Variants in TNNI3K observed in about 807,000 individuals in gnomAD.
TNNI3K encodes TNNI3 interacting kinase.
In TNNI3K, 140 loss-of-function variants were observed where a neutral mutation model predicts 114.5. The observed-to-expected ratio is 1.22, with a 90% CI of 1.07 to 1.41. TNNI3K has a LOEUF of 1.41. Among genes scored for constraint, TNNI3K ranks in the 40% most tolerant of loss-of-function variants. The pLI, the probability that TNNI3K is intolerant of heterozygous loss-of-function variation, is 0.00. For synonymous variants in TNNI3K, 347 were observed against 347.5 expected, an observed-to-expected ratio of 1.00 and a Z score of 0.02; for missense variants, 1,125 against 1,007.6, an observed-to-expected ratio of 1.12 and a Z score of -1.58.
At chr1:74,527,549 C>T (rs1646519326) in intron 23 of TNNI3K, among the ~76,000 whole-genome samples, 1 of 152,120 alleles carries the variant, frequency 6.6e-6, no homozygotes, top group African/African-American at 2.4e-5. Flanking sequence ...CAGAAAGCCA[C>T]TATGGTGGAT....
intron 3 of TNNI3K, 31 bp from the exon 4 acceptor site, chr1:74,250,641 G>A: frequency 6.2e-7 from 1 of 1,601,100 alleles, no homozygotes; most frequent in South Asian, 1.1e-5. Context: ...TCCCCACAAT[G>A]ATTTAGCCTT....
chr1:74,396,059 C>G (rs1168924818), intron 17 of TNNI3K, among the ~76,000 whole-genome samples: 1 of 152,112 alleles, frequency 6.6e-6, no homozygotes, highest in Non-Finnish European at 1.5e-5. Flanking sequence ...CTCATGCTCC[C>G]CCTTAAAGAG....
chr1:74,427,957 C>T (rs756591932), intron 17 of TNNI3K, among the ~76,000 whole-genome samples: 15 of 150,322 alleles, frequency 1.0e-4, no homozygotes, highest in African/African-American at 2.7e-4. Flanking sequence ...TTTTTTTTCA[C>T]GTTACCCTCA....
intron 4 of TNNI3K, 120 bp from the exon 5 acceptor site, chr1:74,271,478 A>C: frequency 1.1e-6 from 1 of 877,044 alleles, no homozygotes; most frequent in Non-Finnish European, 1.7e-6. Flanking sequence ...TAGAAATCAC[A>C]CTTAAGTTTC....
chr1:74,540,398 C>T, intron 24 of TNNI3K, 85 bp downstream of exon 24: 5 of 1,238,516 alleles, frequency 4.0e-6, no homozygotes, highest in Non-Finnish European at 5.7e-6. Context: ...GAAAGCATTG[C>T]ATATTGTAAT....
At chr1:74,268,295 T>C (rs1284565393) in intron 4 of TNNI3K, among the ~76,000 whole-genome samples, 3 of 151,946 alleles carry the variant, frequency 2.0e-5, no homozygotes, top group African/African-American at 2.4e-5. Flanking sequence ...GCGATGTTTT[T>C]CCTATTTATC....
chr1:74,252,513 T>A (rs1489903863), intron 4 of TNNI3K, among the ~76,000 whole-genome samples: 3 of 152,338 alleles, frequency 2.0e-5, no homozygotes, highest in Middle Eastern at 3.4e-3. Flanking sequence ...GGATTCTTGG[T>A]CTCACTCACT....
At position 74,473,454 on chromosome 1, in the gene TNNI3K, T is replaced by C. The variant is rs141234540; in HGVS notation, c.2121+9904T>C. Among the ~76,000 whole-genome samples, 130 of 152,096 alleles carry C rather than the reference T, an allele frequency of 8.5e-4. 1 individual carries two copies. Among genetic ancestry groups the C allele is most frequent in the African/African-American group, 2.7e-3 (114 of 41,514 alleles). The stretch of plus-strand genomic sequence containing the variant: ...CCAGAGGAAGAAGTTTTTTATTCCA[T>C]GAGAAAAAAGGAAATCTTAACTGCA... On this transcript the variant is annotated intron_variant, in intron 21 of 24. Transcript: ENST00000326637.
chr1:74,498,824 A>T (rs1273090160), intron 23 of TNNI3K, among the ~76,000 whole-genome samples: 4 of 152,196 alleles, frequency 2.6e-5, no homozygotes, highest in African/African-American at 4.8e-5. Context: ...GAGAAAAGTG[A>T]CTACCACATT....
At chr1:74,440,547 A>T (rs1666330545) in intron 20 of TNNI3K, among the ~76,000 whole-genome samples, 2 of 152,008 alleles carry the variant, frequency 1.3e-5, no homozygotes, top group African/African-American at 4.8e-5. Flanking sequence ...AGGTAGCCAC[A>T]TCTCATCTCA....
chr1:74,435,862 A>G (rs1283631483), intron 17 of TNNI3K, among the ~76,000 whole-genome samples: 2 of 152,042 alleles, frequency 1.3e-5, no homozygotes, highest in South Asian at 2.1e-4. Context: ...GGAATTCTTT[A>G]TACATTCAAC....
chr1:74,540,394 A>T (rs1646712667), intron 24 of TNNI3K, 81 bp downstream of exon 24: 1 of 1,278,364 alleles, frequency 7.8e-7, no homozygotes, highest in Non-Finnish European at 1.1e-6. Context: ...GGGAGAAAGC[A>T]TTGCATATTG....
chr1:74,272,974 T>C (rs1656443735), intron 5 of TNNI3K, among the ~76,000 whole-genome samples: 1 of 138,634 alleles, frequency 7.2e-6, no homozygotes, highest in South Asian at 2.5e-4. Context: ...ATGAGAAGTC[T>C]GACATCCTTA....
chr1:74,283,596 G>A (rs1472900926), intron 5 of TNNI3K, among the ~76,000 whole-genome samples: 1 of 152,136 alleles, frequency 6.6e-6, no homozygotes, highest in Admixed American at 6.5e-5. Flanking sequence ...TGCTGCCCTG[G>A]AAAATGATGG....
At chr1:74,511,318 G>A (rs868409506) in intron 23 of TNNI3K, among the ~76,000 whole-genome samples, 5 of 151,940 alleles carry the variant, frequency 3.3e-5, no homozygotes, top group South Asian at 2.1e-4. Context: ...TCAGGCTCCC[G>A]AGTAGCTGGG....
At chr1:74,481,935 C>A (rs1457700826) in intron 21 of TNNI3K, among the ~76,000 whole-genome samples, 2 of 152,028 alleles carry the variant, frequency 1.3e-5, no homozygotes, top group African/African-American at 2.4e-5. Flanking sequence ...GACTGCATCG[C>A]GGAAACAAAG....
chr1:74,326,515 G>A (rs1386238587), intron 5 of TNNI3K, among the ~76,000 whole-genome samples: 1 of 152,076 alleles, frequency 6.6e-6, no homozygotes, highest in African/African-American at 2.4e-5. Context: ...TTAGTTATAA[G>A]GATTAAATTT....
intron 17 of TNNI3K, chr1:74,378,838 G>A (rs1663055918): frequency 6.6e-6 from 1 of 151,262 alleles, no homozygotes; most frequent in Admixed American, 6.6e-5. Context: ...TGGTCAGCCA[G>A]AAGTCTGTGC....
chr1:74,543,234 C>G (rs890809812), intron 24 of TNNI3K, among the ~76,000 whole-genome samples: 1 of 151,636 alleles, frequency 6.6e-6, no homozygotes, highest in Non-Finnish European at 1.5e-5. Context: ...GCCACCACAC[C>G]CGGCTATTTT....
Sources: allele counts gnomAD v4.1 joint callset (sites outside exome capture counted in the v4.1 genomes callset), GRCh38; gene constraint gnomAD v4.1.1; transcripts MANE v1.5; gene names NCBI Gene and HGNC (gene_info 2026-07-23, HGNC 2026-07-21).